Variants in CFAP69 observed in about 807,000 individuals in gnomAD.
The protein encoded by CFAP69 is cilia and flagella associated protein 69.
CFAP69 carries 92 observed loss-of-function variants against 123.0 expected under a neutral mutation model. The ratio of observed to expected loss-of-function variants is 0.75; its 90% CI spans 0.63 to 0.89. The LOEUF (loss-of-function observed/expected upper bound fraction) is 0.89, where lower values mean the gene tolerates loss of function less well. CFAP69 is among the 40% of genes least tolerant of loss of function. CFAP69 has a pLI of 0.00. For synonymous variants in CFAP69, 380 were observed against 364.3 expected (o/e 1.04, Z -0.49); for missense variants, 1,067 against 1,096.9 (o/e 0.97, Z 0.39).
At chr7:90,250,192 G>GAGAGAGAGAGAGAGAT (rs1796812493) in intron 1 of CFAP69, among the ~76,000 whole-genome samples, 1 of 19,024 alleles carries the variant, frequency 5.3e-5, no homozygotes, top group African/African-American at 2.4e-4. Flanking sequence ...AGAGAGGAGA[G>GAGAGAGAGAGAGAGAT]AGAGAGAGAG....
At chr7:90,319,960 T>A in the CFAP69 span, among the ~76,000 whole-genome samples, 7 of 152,250 alleles carry the variant, frequency 4.6e-5, no homozygotes, top group African/African-American at 1.2e-4. Flanking sequence ...TGATCAAGAG[T>A]CTTTGAAATG....
intron 9 of CFAP69, among the ~76,000 whole-genome samples, chr7:90,275,728 A>G (rs1300982823): frequency 6.8e-6 from 1 of 146,006 alleles, no homozygotes; most frequent in Non-Finnish European, 1.5e-5. Context: ...CAGTCTCCTG[A>G]GTAGCTGGGA....
chr7:90,297,855 A>C, intron 16 of CFAP69, 25 bp downstream of exon 16: 3 of 1,467,082 alleles, frequency 2.0e-6, no homozygotes, highest in South Asian at 2.5e-5. Flanking sequence ...AACAATCATA[A>C]GACAAAAGAC....
chr7:90,287,086 A>G (rs1445993349), intron 14 of CFAP69, among the ~76,000 whole-genome samples: 1 of 42,662 alleles, frequency 2.3e-5, no homozygotes, highest in African/African-American at 6.2e-5. Flanking sequence ...ACTCCATCTG[A>G]AAAAAAAAAA....
At position 90,279,783 on chromosome 7, in the gene CFAP69, T is replaced by G. The variant is rs1489827050; in HGVS notation, c.1262T>G (p.Leu421Arg). The G allele has an allele frequency of 6.2e-7, 1 of 1,613,202 alleles. No homozygotes were observed. Among genetic ancestry groups the G allele is most frequent in the Admixed American group, 1.7e-5 (1 of 59,666 alleles). Residue 421 changes from leucine (L) to arginine (R), a missense_variant, in exon 12 of 23, where the codon CTG (leucine) becomes CGG (arginine). By Grantham distance (102) the Leu-to-Arg change is moderately radical. Coordinates refer to ENST00000389297, the MANE Select transcript of CFAP69 (RefSeq NM_001039706.3). ...WSAAQHEELQ[L>R]HAIATLSSVA... ...GCAGCACAGCATGAAGAATTACAAC[T>G]GCATGCAATTGCCACTTTGTCATCA...
chr7:90,267,013 G>C (rs998583313), intron 5 of CFAP69, among the ~76,000 whole-genome samples: 3 of 152,136 alleles, frequency 2.0e-5, no homozygotes, highest in Non-Finnish European at 4.4e-5. Flanking sequence ...AACTAAAACA[G>C]TGGAAAAGCA....
At chr7:90,282,606 T>G (rs1789653277) in intron 12 of CFAP69, among the ~76,000 whole-genome samples, 1 of 152,164 alleles carries the variant, frequency 6.6e-6, no homozygotes, top group Admixed American at 6.6e-5. Flanking sequence ...CTAGATCTAC[T>G]TGTGACAATG....
At position 90,250,187 on chromosome 7, in the gene CFAP69, G is replaced by GGAGAGAGAGATAGA. The variant is rs1796802086; in HGVS notation, c.120+4653_120+4654insTAGAGAGAGAGAGA. On this transcript the variant is annotated intron_variant, in intron 1 of 22. Coordinates refer to ENST00000389297, the MANE Select transcript of CFAP69 (RefSeq NM_001039706.3). ...GGGAGACCCCCACTCTTTAAAGAGA[G>GGAGAGAGAGATAGA]GAGAGAGAGAGAGAGAGAGAGAGAG... 2.4e-5 allele frequency among the ~76,000 whole-genome samples: 3 copies of GGAGAGAGAGATAGA among 125,792 alleles called. 1 individual carries two copies. Among genetic ancestry groups the GGAGAGAGAGATAGA allele is most frequent in the Admixed American group, 8.1e-5 (1 of 12,406 alleles). 82.5% of individuals were successfully genotyped at this position (125,792 alleles called of 152,430 possible). A position where few individuals can be genotyped will look rare whatever the true frequency, so the allele number is the denominator to read the frequency against.
At chr7:90,265,785 T>G (rs1799072882) in intron 5 of CFAP69, among the ~76,000 whole-genome samples, 1 of 152,164 alleles carries the variant, frequency 6.6e-6, no homozygotes, top group Non-Finnish European at 1.5e-5. Flanking sequence ...AAATTTTAAA[T>G]CAAATCATAA....
intron 1 of CFAP69, among the ~76,000 whole-genome samples, chr7:90,247,687 A>G (rs1796502049): frequency 6.6e-6 from 1 of 152,108 alleles, no homozygotes; most frequent in Admixed American, 6.5e-5. Flanking sequence ...CTCTACTAAA[A>G]ATACAAAAAT....
chr7:90,296,367 AC>A (rs1291198270), intron 15 of CFAP69, among the ~76,000 whole-genome samples: 7 of 151,400 alleles, frequency 4.6e-5, no homozygotes, highest in Admixed American at 2.6e-4. Flanking sequence ...TCATTCTGTC[AC>A]CCAGCCCGGG....
Position 90,279,911 on chromosome 7 carries a change from A to G in CFAP69, c.1372+18A>G. ...GAGTGAAGGTGAGTGGCCCTTCAAG[A>G]TTCTTGTCAAAATTCTAATCTTCAT... On this transcript the variant is annotated intron_variant, in intron 12 of 22. Coordinates refer to ENST00000389297, the MANE Select transcript of CFAP69 (RefSeq NM_001039706.3). 2.0e-6 allele frequency: 3 copies of G among 1,530,396 alleles called. No individual in the cohort carries two copies. Among genetic ancestry groups the G allele is most frequent in the Non-Finnish European group, 2.6e-6 (3 of 1,139,964 alleles). The allele number at this position is 1,530,396 out of a possible 1,614,324, so 94.8% of individuals were successfully genotyped here. A position where few individuals can be genotyped will look rare whatever the true frequency, so the allele number is the denominator to read the frequency against.
At chr7:90,270,415 G>A (rs138936244) in intron 6 of CFAP69, among the ~76,000 whole-genome samples, 1 of 151,848 alleles carries the variant, frequency 6.6e-6, no homozygotes, top group African/African-American at 2.4e-5. Context: ...ATACTAGTAT[G>A]TTGTTAAAAT....
In CFAP69 at chr7:90,274,287, G is replaced by A. The variant is rs190780357; in HGVS notation, c.984+177G>A. 5.4e-3 allele frequency among the ~76,000 whole-genome samples: 816 copies of A among 152,110 alleles called. 5 individuals are homozygous for A. The highest frequency in any genetic ancestry group is 7.3e-3 in the Non-Finnish European group (493 of 67,966). On this transcript the variant is annotated intron_variant, in intron 9 of 22. Coordinates refer to ENST00000389297, the MANE Select transcript of CFAP69 (RefSeq NM_001039706.3). ...TGCCAATTCTTCTTTGCAATCCTTTGGAAATTTGGAATCTTCCTCATATTG... is the reference window on the plus strand; with the variant it reads ...TGCCAATTCTTCTTTGCAATCCTTTAGAAATTTGGAATCTTCCTCATATTG...
chr7:90,252,296 A>G lies in CFAP69; in HGVS notation c.121-3127A>G, dbSNP rs576062776. 3.3e-5 allele frequency among the ~76,000 whole-genome samples: 5 copies of G among 152,318 alleles called. No homozygotes were observed. In the South Asian group the frequency reaches 1.0e-3, roughly 32 times the overall value. On this transcript the variant is annotated intron_variant, in intron 1 of 22. Coordinates refer to ENST00000389297, the MANE Select transcript of CFAP69 (RefSeq NM_001039706.3). Reference sequence around the variant, plus strand: ...ACAGTAAATTTAACTATTTAACAGTAATATTTAACAATTTTTAATGGTAAC... The same window carrying G: ...ACAGTAAATTTAACTATTTAACAGTGATATTTAACAATTTTTAATGGTAAC...
intron 15 of CFAP69, 26 bp downstream of exon 15, chr7:90,288,378 G>T (rs753309643): frequency 1.5e-5 from 24 of 1,598,280 alleles, no homozygotes; most frequent in Middle Eastern, 1.7e-4. Context: ...ATCAAATTAG[G>T]TAGACTCACA....
At chr7:90,280,507 G>T (rs143275170) in intron 12 of CFAP69, among the ~76,000 whole-genome samples, 12 of 152,328 alleles carry the variant, frequency 7.9e-5, no homozygotes, top group Middle Eastern at 3.4e-3. Context: ...ATATTGCCCA[G>T]TCTGGCAGTA....
chr7:90,251,702 G>A (rs758909974), intron 1 of CFAP69, among the ~76,000 whole-genome samples: 7 of 152,118 alleles, frequency 4.6e-5, no homozygotes, highest in East Asian at 3.9e-4. Context: ...AGTTATAGAA[G>A]GAGGAAAAGT....
intron 22 of CFAP69, among the ~76,000 whole-genome samples, chr7:90,309,727 A>C (rs1161578337): frequency 1.3e-5 from 2 of 152,104 alleles, no homozygotes; most frequent in Non-Finnish European, 2.9e-5. Flanking sequence ...GATTTCTAAG[A>C]AACTGCTATA....
Sources: allele counts gnomAD v4.1 joint callset (sites outside exome capture counted in the v4.1 genomes callset), GRCh38; gene constraint gnomAD v4.1.1; transcripts MANE v1.5; gene names NCBI Gene and HGNC (gene_info 2026-07-23, HGNC 2026-07-21).